The following TMA16 variants were observed in gnomAD, a reference collection of about 807,000 sequenced individuals.
The protein encoded by TMA16 is translation machinery-associated protein 16.
TMA16 carries 26 observed loss-of-function variants against 27.1 expected under a neutral mutation model. The ratio of observed to expected loss-of-function variants is 0.96; its 90% CI spans 0.70 to 1.33. TMA16 has a LOEUF of 1.33. Among genes scored for constraint, TMA16 ranks in the 40% most tolerant of loss-of-function variants. The probability of loss-of-function intolerance (pLI) is 0.00; values close to 1 mark genes in which losing one functional copy is unlikely to be tolerated. For synonymous variants in TMA16, 71 were observed against 81.9 expected, an observed-to-expected ratio of 0.87 and a Z score of 0.72; for missense variants, 233 against 241.4, an observed-to-expected ratio of 0.97 and a Z score of 0.23.
At chr4:163,498,077 A>G (rs1417444141) in intron 1 of TMA16, among the ~76,000 whole-genome samples, 1 of 152,144 alleles carries the variant, frequency 6.6e-6, no homozygotes, top group Non-Finnish European at 1.5e-5. Context: ...GTAAGTACAT[A>G]TAGATCCACT....
At chr4:163,508,649 A>G (rs1385802037) in intron 2 of TMA16, among the ~76,000 whole-genome samples, 1 of 152,192 alleles carries the variant, frequency 6.6e-6, no homozygotes, top group African/African-American at 2.4e-5. Flanking sequence ...CAACGTGCTT[A>G]CCATTTTATT....
Position 163,519,862 on chromosome 4 carries a change from TG to T in TMA16, c.*349del, listed in dbSNP as rs1436857334. 1 of 527,286 alleles carries T rather than the reference TG, an allele frequency of 1.9e-6. No individual in the cohort carries two copies. Among genetic ancestry groups the T allele is most frequent in the Non-Finnish European group, 3.4e-6 (1 of 298,446 alleles). The allele number at this position is 527,286 out of a possible 1,614,324, so 32.7% of individuals were successfully genotyped here. A position where few individuals can be genotyped will look rare whatever the true frequency, so the allele number is the denominator to read the frequency against. ...ACGTTTTGTGAAATGGACAGTAACC[TG>T]TTTCCTGAAAGATTCCTGTGGGTAC... On this transcript the variant is annotated 3_prime_UTR_variant, in exon 7 of 7. Coordinates refer to ENST00000358572, the MANE Select transcript of TMA16 (RefSeq NM_018352.3).
At chr4:163,512,960 C>A (rs886891600) in intron 3 of TMA16, 101 bp downstream of exon 3, 2 of 862,180 alleles carry the variant, frequency 2.3e-6, no homozygotes, top group Admixed American at 2.7e-5. Flanking sequence ...CTGTTTTTAT[C>A]AAAGTGAATT....
chr4:163,514,979 G>A (rs1430506713), intron 4 of TMA16, among the ~76,000 whole-genome samples: 1 of 152,062 alleles, frequency 6.6e-6, no homozygotes, highest in Non-Finnish European at 1.5e-5. Context: ...CCCAGGAGAT[G>A]GAGGGGGTTT....
At chr4:163,512,261 A>G (rs2110807115) in intron 2 of TMA16, among the ~76,000 whole-genome samples, 1 of 152,280 alleles carries the variant, frequency 6.6e-6, no homozygotes, top group East Asian at 1.9e-4. Flanking sequence ...AAGTCTGGCA[A>G]AGACTTGGTA....
chr4:163,503,688 A>T (rs1737679681), intron 1 of TMA16, among the ~76,000 whole-genome samples: 1 of 151,732 alleles, frequency 6.6e-6, no homozygotes, highest in Non-Finnish European at 1.5e-5. Flanking sequence ...TTCTAACTGG[A>T]CTATTTCTGT....
intron 1 of TMA16, among the ~76,000 whole-genome samples, chr4:163,499,255 C>T (rs967546515): frequency 6.6e-6 from 1 of 151,826 alleles, no homozygotes; most frequent in Non-Finnish European, 1.5e-5. Context: ...GTTTGTGTTG[C>T]AAGTTTTTTG....
Position 163,494,780 on chromosome 4 carries a change from C to T in TMA16, c.-22C>T. The T allele has an allele frequency of 6.2e-7, 1 of 1,612,916 alleles. No homozygotes were observed. The highest frequency in any genetic ancestry group is 8.5e-7 in the Non-Finnish European group (1 of 1,180,030). ...CCTGGGTCTAGAGTGCGGAGCTGCTCCGTGGCCACGAGGACGTCACCATGG... is the reference window on the plus strand; with the variant it reads ...CCTGGGTCTAGAGTGCGGAGCTGCTTCGTGGCCACGAGGACGTCACCATGG... On this transcript the variant is annotated 5_prime_UTR_variant, in exon 1 of 7. Coordinates refer to ENST00000358572, the MANE Select transcript of TMA16 (RefSeq NM_018352.3).
chr4:163,519,231 A>G lies in TMA16; in HGVS notation c.432-103A>G. 4 of 1,043,710 alleles carry G rather than the reference A, an allele frequency of 3.8e-6. 1 individual carries two copies. The South Asian group carries it at 8.1e-5, about 21-fold the overall frequency. The allele number at this position is 1,043,710 out of a possible 1,614,324, so 64.7% of individuals were successfully genotyped here. On this transcript the variant is annotated intron_variant, in intron 6 of 6. Coordinates refer to ENST00000358572, the MANE Select transcript of TMA16 (RefSeq NM_018352.3). ...TTCCTTTAACGCTTTTGAAGTTTTG[A>G]ATATGTAGGATCCTCAGAGTTTCGA...
At chr4:163,496,361 ATGTTAT>A (rs1353627243) in intron 1 of TMA16, among the ~76,000 whole-genome samples, 2 of 152,186 alleles carry the variant, frequency 1.3e-5, no homozygotes, top group East Asian at 3.9e-4. Context: ...CACTTAGTAA[ATGTTAT>A]TGTTATTAAC....
chr4:163,497,865 A>G (rs1235308288), intron 1 of TMA16, among the ~76,000 whole-genome samples: 1 of 152,232 alleles, frequency 6.6e-6, no homozygotes, highest in Non-Finnish European at 1.5e-5. Flanking sequence ...TGCCACAAAA[A>G]GACTTTTTCC....
At chr4:163,510,843 A>T (rs1256815651) in intron 2 of TMA16, among the ~76,000 whole-genome samples, 2 of 152,230 alleles carry the variant, frequency 1.3e-5, no homozygotes, top group African/African-American at 4.8e-5. Flanking sequence ...CAGCCCCCAA[A>T]GCCTAAAATG....
At position 163,516,656 on chromosome 4, in the gene TMA16, T is replaced by C. The variant is rs554350803; in HGVS notation, c.389-778T>C. On this transcript the variant is annotated intron_variant, in intron 5 of 6. Transcript: ENST00000358572. The stretch of plus-strand genomic sequence containing the variant: ...GTGTATCATGCATATTGGTTTATGA[T>C]GGAACTTTTGAAATATGGTAAAGAA... 7.7e-4 allele frequency among the ~76,000 whole-genome samples: 117 copies of C among 152,340 alleles called. 1 individual carries two copies. The highest frequency in any genetic ancestry group is 3.9e-3 in the South Asian group (19 of 4,830).
intron 2 of TMA16, among the ~76,000 whole-genome samples, chr4:163,508,862 A>G (rs1199771088): frequency 6.6e-6 from 1 of 152,234 alleles, no homozygotes; most frequent in Non-Finnish European, 1.5e-5. Context: ...TTAGCGTTAT[A>G]GAAAAATTAT....
intron 2 of TMA16, among the ~76,000 whole-genome samples, chr4:163,508,555 A>G (rs756225756): frequency 3.9e-5 from 6 of 152,322 alleles, no homozygotes; most frequent in Middle Eastern, 3.4e-3. Context: ...GATCTGGTGA[A>G]GGTTGGAAGA....
intron 1 of TMA16, among the ~76,000 whole-genome samples, chr4:163,501,458 TTATG>T (rs1560912237): frequency 1.3e-5 from 2 of 152,232 alleles, no homozygotes; most frequent in African/African-American, 4.8e-5. Context: ...ACCAGTCTGT[TTATG>T]TGTCTCTTTC....
intron 2 of TMA16, among the ~76,000 whole-genome samples, chr4:163,509,242 G>A (rs1228804543): frequency 6.6e-6 from 1 of 152,166 alleles, no homozygotes; most frequent in African/African-American, 2.4e-5. Context: ...TTGAAACGCT[G>A]CTGATTCCCT....
chr4:163,499,694 GT>G (rs1560911694), intron 1 of TMA16, among the ~76,000 whole-genome samples: 1 of 151,746 alleles, frequency 6.6e-6, no homozygotes, highest in African/African-American at 2.4e-5. Context: ...TGTAAACGCT[GT>G]ATAGTGATTA....
In TMA16 at chr4:163,505,468, G is replaced by T. The variant is rs1253306233; in HGVS notation, c.4-1565G>T. 4.6e-5 allele frequency among the ~76,000 whole-genome samples: 7 copies of T among 152,300 alleles called. No individual in the cohort carries two copies. The East Asian group carries it at 1.4e-3, about 29-fold the overall frequency. On this transcript the variant is annotated intron_variant, in intron 1 of 6. Coordinates refer to ENST00000358572, the MANE Select transcript of TMA16 (RefSeq NM_018352.3). ...TATATTTGTGAATGAGGAATTTGTGGTTATTTTAAATAGTTCTGCCTAGTT... is the reference window on the plus strand; with the variant it reads ...TATATTTGTGAATGAGGAATTTGTGTTTATTTTAAATAGTTCTGCCTAGTT...
Sources: allele counts gnomAD v4.1 joint callset (sites outside exome capture counted in the v4.1 genomes callset), GRCh38; gene constraint gnomAD v4.1.1; transcripts MANE v1.5; gene names NCBI Gene and HGNC (gene_info 2026-07-23, HGNC 2026-07-21).